Variants in TBK1 observed in about 807,000 individuals in gnomAD.
The protein encoded by TBK1 is TANK binding kinase 1.
In TBK1, 37 loss-of-function variants were observed where a neutral mutation model predicts 99.9. The ratio of observed to expected loss-of-function variants is 0.37; its 90% CI spans 0.28 to 0.49. TBK1 has a LOEUF of 0.49. Ranked by LOEUF, TBK1 falls within the 20% of genes least tolerant of loss-of-function variation. The probability of loss-of-function intolerance (pLI) is 0.98; values close to 1 mark genes in which losing one functional copy is unlikely to be tolerated. For synonymous variants in TBK1, 258 were observed against 279.8 expected, an observed-to-expected ratio of 0.92 and a Z score of 0.78; for missense variants, 644 against 872.5, an observed-to-expected ratio of 0.74 and a Z score of 3.30.
chr12:64,488,521 C>G lies in TBK1; in HGVS notation c.1375C>G (p.His459Asp). 6.3e-6 allele frequency: 10 copies of G among 1,599,460 alleles called. No individual in the cohort carries two copies. Among genetic ancestry groups the G allele is most frequent in the Non-Finnish European group, 7.7e-6 (9 of 1,174,972 alleles). The change falls in exon 12 of 21, where the codon CAC becomes GAC. Residue 459 changes from histidine to aspartate, a missense_variant. His to Asp is a moderately conservative substitution (Grantham distance 81, BLOSUM62 -1). Transcript: ENST00000331710. ...TAAAGATGATTACAATGAAACTGTTCACAAAAAGACAGAAGTTGTGATCAC... is the reference window on the plus strand; with the variant it reads ...TAAAGATGATTACAATGAAACTGTTGACAAAAAGACAGAAGTTGTGATCAC... ...LIKDDYNETV[H>D]KKTEVVITLD...
intron 15 of TBK1, among the ~76,000 whole-genome samples, chr12:64,496,140 G>A (rs559394178): frequency 1.8e-4 from 27 of 152,160 alleles, no homozygotes; most frequent in Admixed American, 1.7e-3. Flanking sequence ...TACAGAATTT[G>A]TTAGAAATAC....
intron 5 of TBK1, among the ~76,000 whole-genome samples, chr12:64,469,803 T>TC (rs397781998): frequency 2.4e-4 from 36 of 151,828 alleles, no homozygotes; most frequent in Non-Finnish European, 3.5e-4. Context: ...TTTTTTTTTT[T>TC]CCCCAACCCC....
At chr12:64,468,670 CAAGT>C (rs951958528) in intron 5 of TBK1, among the ~76,000 whole-genome samples, 1 of 151,998 alleles carries the variant, frequency 6.6e-6, no homozygotes, top group African/African-American at 2.4e-5. Flanking sequence ...AGACAATTAA[CAAGT>C]AAGTAAAGTA....
intron 13 of TBK1, among the ~76,000 whole-genome samples, chr12:64,491,047 A>T (rs1408335549): frequency 6.6e-6 from 1 of 152,188 alleles, no homozygotes; most frequent in Non-Finnish European, 1.5e-5. Flanking sequence ...AAATTAGGAC[A>T]CAAGTCTCTA....
intron 6 of TBK1, among the ~76,000 whole-genome samples, chr12:64,475,284 T>C (rs971828028): frequency 6.6e-6 from 1 of 151,936 alleles, no homozygotes; most frequent in Non-Finnish European, 1.5e-5. Flanking sequence ...TCCATTTTTA[T>C]TTTAGATTCA....
Position 64,482,015 on chromosome 12 carries a change from A to G in TBK1, c.986A>G (p.Tyr329Cys), listed in dbSNP as rs1218184569. The G allele has an allele frequency of 1.9e-6, 3 of 1,551,746 alleles. No individual in the cohort carries two copies. Among genetic ancestry groups the G allele is most frequent in the African/African-American group, 2.8e-5 (2 of 72,294 alleles). ...GCTCATAAGATTTATATTCATAGCT[A>G]TAATACGTAAGTATCTCTATTTTCT... ...MTAHKIYIHS[Y>C]NTATIFHELV... is the part of the protein sequence containing the mutation. Residue 329 changes from tyrosine (Y) to cysteine (C), a missense_variant, in exon 8 of 21, where the codon TAT becomes TGT. Physicochemically the swap from Tyr to Cys is radical, Grantham distance 194. Transcript: ENST00000331710.
Position 64,464,348 on chromosome 12 carries a change from T to C in TBK1, c.243T>C (p.His81=), listed in dbSNP as rs762439566. 10 of 1,586,764 alleles carry C rather than the reference T, an allele frequency of 6.3e-6. No homozygotes were observed. The East Asian group carries it at 1.8e-4, about 29-fold the overall frequency. ...FAIEEETTTR[H]KVLIMEFCPC... ...TTTTTTTTCAGACAACAACAAGACA[T>C]AAAGTACTTATTATGGAATTTTGTC... Residue 81 remains histidine, a synonymous_variant, in exon 4 of 21, where the codon CAT becomes CAC. Transcript: ENST00000331710.
At chr12:64,486,467 C>T (rs1057388768) in intron 11 of TBK1, among the ~76,000 whole-genome samples, 1 of 150,932 alleles carries the variant, frequency 6.6e-6, no homozygotes, top group Non-Finnish European at 1.5e-5. Flanking sequence ...GACAGGGTCT[C>T]GCTGTCACCC....
At position 64,496,401 on chromosome 12, in the gene TBK1, T is replaced by C. The variant is rs2040925243; in HGVS notation, c.1755T>C (p.Phe585=). The part of the protein sequence containing the change: ...LAYNEEQIHK[F]DKQKLYYHAT... ...ATAATGAAGAACAAATCCACAAATTTGATAAGTAAGTATCCAGATTATGTT... is the reference window on the plus strand; with the variant it reads ...ATAATGAAGAACAAATCCACAAATTCGATAAGTAAGTATCCAGATTATGTT... Residue 585 remains phenylalanine (F), a synonymous_variant, in exon 16 of 21, where the codon TTT becomes TTC. Coordinates refer to ENST00000331710, the MANE Select transcript of TBK1 (RefSeq NM_013254.4). 7.9e-7 allele frequency: 1 copy of C among 1,263,622 alleles called. No individual in the cohort carries two copies. The highest frequency in any genetic ancestry group is 1.1e-6 in the Non-Finnish European group (1 of 906,176). The allele number at this position is 1,263,622 out of a possible 1,614,324, so 78.3% of individuals were successfully genotyped here. A position where few individuals can be genotyped will look rare whatever the true frequency, so the allele number is the denominator to read the frequency against.
chr12:64,463,698 CAAA>C (rs58483035), intron 3 of TBK1, among the ~76,000 whole-genome samples: 4 of 128,116 alleles, frequency 3.1e-5, no homozygotes, highest in South Asian at 2.5e-4. Flanking sequence ...GACTCTGTCT[CAAA>C]AAAAAAAAAA....
At chr12:64,463,170 G>A (rs1017898855) in intron 3 of TBK1, among the ~76,000 whole-genome samples, 3 of 152,164 alleles carry the variant, frequency 2.0e-5, no homozygotes, top group Middle Eastern at 3.4e-3. Context: ...AGGAGATCGA[G>A]ACCATCCTGG....
At chr12:64,498,627 T>C (rs1047992022) in intron 20 of TBK1, among the ~76,000 whole-genome samples, 1 of 152,240 alleles carries the variant, frequency 6.6e-6, no homozygotes, top group Non-Finnish European at 1.5e-5. Context: ...GGTTCTCCTC[T>C]ATAGGTTCTC....
chr12:64,498,817 A>T (rs1482995488), intron 20 of TBK1, among the ~76,000 whole-genome samples: 2 of 151,768 alleles, frequency 1.3e-5, no homozygotes, highest in Non-Finnish European at 2.9e-5. Flanking sequence ...TTAGCTGGGC[A>T]TGGTGGTGCA....
At chr12:64,474,734 A>T (rs1385246062) in intron 6 of TBK1, among the ~76,000 whole-genome samples, 1 of 152,236 alleles carries the variant, frequency 6.6e-6, no homozygotes, top group Admixed American at 6.5e-5. Flanking sequence ...AAAAAAATAC[A>T]TAGTTCTGTG....
chr12:64,497,409 A>C, intron 18 of TBK1, 150 bp downstream of exon 18: 1 of 636,370 alleles, frequency 1.6e-6, no homozygotes, highest in Non-Finnish European at 2.5e-6. Flanking sequence ...AAGAATGTAG[A>C]TGTTTTACAA....
chr12:64,498,067 A>T, intron 20 of TBK1, 28 bp downstream of exon 20: 4 of 1,573,632 alleles, frequency 2.5e-6, no homozygotes, highest in Non-Finnish European at 3.5e-6. Flanking sequence ...AATTACTGTG[A>T]TTTTCTGTGC....
chr12:64,495,767 C>T lies in TBK1; in HGVS notation c.1712C>T (p.Ala571Val), dbSNP rs765035140. ...TACTATCAGTTCAAAAAAGACAAAGCAGAACGTAGTAAGTAAAATTTGCTA... is the reference window on the plus strand; with the variant it reads ...TACTATCAGTTCAAAAAAGACAAAGTAGAACGTAGTAAGTAAAATTTGCTA... ...EIYYQFKKDK[A>V]ERRLAYNEEQ... The change falls in exon 15 of 21, where the codon GCA becomes GTA. Residue 571 changes from alanine (A) to valine (V), a missense_variant. By Grantham distance (64) the Ala-to-Val change is moderately conservative (BLOSUM62 0). Transcript: ENST00000331710. The T allele has an allele frequency of 1.9e-6, 3 of 1,582,518 alleles. No homozygotes were observed. Among genetic ancestry groups the T allele is most frequent in the Non-Finnish European group, 8.6e-7 (1 of 1,167,790 alleles).
chr12:64,454,070 A>G (rs1453682070), intron 1 of TBK1, among the ~76,000 whole-genome samples: 1 of 152,206 alleles, frequency 6.6e-6, no homozygotes, highest in African/African-American at 2.4e-5. Flanking sequence ...TCTGCTCTGA[A>G]GGAAACAAAG....
chr12:64,454,639 A>G (rs1363931124), intron 1 of TBK1, among the ~76,000 whole-genome samples: 1 of 136,318 alleles, frequency 7.3e-6, no homozygotes, highest in Non-Finnish European at 1.6e-5. Flanking sequence ...CTCATACAGC[A>G]TTTTAGCCTT....
Sources: allele counts gnomAD v4.1 joint callset (sites outside exome capture counted in the v4.1 genomes callset), GRCh38; gene constraint gnomAD v4.1.1; transcripts MANE v1.5; gene names NCBI Gene and HGNC (gene_info 2026-07-23, HGNC 2026-07-21).